Variants in TLCD4 observed in about 807,000 individuals in gnomAD.
The protein encoded by TLCD4 is TLC domain-containing protein 4.
Under a neutral mutation model 24.2 loss-of-function variants are expected in TLCD4, and 7 were observed. That is an observed-to-expected ratio of 0.29 (90% CI 0.16 to 0.54). The LOEUF is 0.54. TLCD4 is among the 20% of genes least tolerant of loss of function. TLCD4 has a pLI of 0.95. For synonymous variants in TLCD4, 103 were observed against 106.4 expected, an observed-to-expected ratio of 0.97 and a Z score of 0.20; for missense variants, 259 against 313.9, an observed-to-expected ratio of 0.82 and a Z score of 1.32.
chr1:95,106,347 T>G, the TLCD4 span, among the ~76,000 whole-genome samples: 1 of 152,234 alleles, frequency 6.6e-6, no homozygotes, highest in Admixed American at 6.5e-5. Context: ...TAATTTTCCT[T>G]ATTGAAAATA....
At chr1:95,148,859 A>G (rs1380854938) in intron 3 of TLCD4, 68 bp downstream of exon 3, 3 of 1,569,370 alleles carry the variant, frequency 1.9e-6, no homozygotes, top group Non-Finnish European at 1.7e-6. Context: ...TTATAAGAAC[A>G]TCACTTACTT....
intron 5 of TLCD4, among the ~76,000 whole-genome samples, chr1:95,171,898 G>T (rs996679887): frequency 6.6e-6 from 1 of 152,160 alleles, no homozygotes; most frequent in African/African-American, 2.4e-5. Flanking sequence ...TAGTTAAGAT[G>T]AGTTTGTATT....
At chr1:95,121,698 G>A (rs968581696) in intron 1 of TLCD4, among the ~76,000 whole-genome samples, 2 of 152,162 alleles carry the variant, frequency 1.3e-5, no homozygotes, top group Non-Finnish European at 1.5e-5. Context: ...CTCAACTCCT[G>A]GCCTCAAGTG....
At chr1:95,159,792 G>A (rs1330055803) in intron 5 of TLCD4, among the ~76,000 whole-genome samples, 2 of 152,090 alleles carry the variant, frequency 1.3e-5, no homozygotes, top group African/African-American at 4.8e-5. Context: ...TTTTTGTCAG[G>A]TTTCTCAAAG....
chr1:95,147,145 C>T (rs1677376465), intron 2 of TLCD4, among the ~76,000 whole-genome samples: 1 of 151,476 alleles, frequency 6.6e-6, no homozygotes, highest in South Asian at 2.1e-4. Context: ...GCAATCTCCA[C>T]TCACTGAAAC....
chr1:95,134,113 G>A (rs1676980380), intron 1 of TLCD4, among the ~76,000 whole-genome samples: 1 of 152,074 alleles, frequency 6.6e-6, no homozygotes, highest in East Asian at 1.9e-4. Flanking sequence ...GGCAGAAAAC[G>A]ATGTATAGGG....
chr1:95,173,727 T>TG, intron 5 of TLCD4, 89 bp from the exon 6 acceptor site: 2 of 1,550,626 alleles, frequency 1.3e-6, no homozygotes, highest in Admixed American at 3.5e-5. Flanking sequence ...TGTTATATTA[T>TG]GCTGAGAAGC....
chr1:95,178,563 CTTTTTTTTTTT>C (rs57190787), intron 6 of TLCD4, among the ~76,000 whole-genome samples: 1 of 82,360 alleles, frequency 1.2e-5, no homozygotes, highest in African/African-American at 4.9e-5. Flanking sequence ...ATGCCCAGCC[CTTTTTTTTTTT>C]TTTTTTTTTT....
chr1:95,148,892 G>A lies in TLCD4; in HGVS notation c.245+101G>A, dbSNP rs141807553. On this transcript the variant is annotated intron_variant, in intron 3 of 6. Transcript: ENST00000370203. Reference sequence around the variant, plus strand: ...CTTTAAAACAGAAAACATATTGATCGTATATGCCTTATTAAAATGCTTGTG... The same window carrying A: ...CTTTAAAACAGAAAACATATTGATCATATATGCCTTATTAAAATGCTTGTG... 4.5e-5 allele frequency: 62 copies of A among 1,378,688 alleles called. 1 individual carries two copies. In the South Asian group the frequency reaches 7.1e-4, roughly 16 times the overall value. 85.4% of individuals were successfully genotyped at this position (1,378,688 alleles called of 1,614,324 possible). A position where few individuals can be genotyped will look rare whatever the true frequency, so the allele number is the denominator to read the frequency against.
intron 5 of TLCD4, among the ~76,000 whole-genome samples, chr1:95,173,457 G>A (rs972224394): frequency 1.1e-4 from 17 of 152,016 alleles, no homozygotes; most frequent in East Asian, 9.7e-4. Context: ...CTACAGGCGC[G>A]TGCCACGTGA....
chr1:95,153,481 T>C (rs1465913284), intron 5 of TLCD4, among the ~76,000 whole-genome samples: 1 of 152,192 alleles, frequency 6.6e-6, no homozygotes, highest in East Asian at 1.9e-4. Context: ...TGTTAAGTTT[T>C]GCATTTAGGT....
At chr1:95,189,205 T>C in intron 6 of TLCD4, among the ~76,000 whole-genome samples, 1 of 152,192 alleles carries the variant, frequency 6.6e-6, no homozygotes, top group East Asian at 1.9e-4. Context: ...GAATTGTTAA[T>C]TGTTTTTGCG....
intron 1 of TLCD4, among the ~76,000 whole-genome samples, chr1:95,120,884 T>G (rs1458632575): frequency 6.6e-6 from 1 of 152,252 alleles, no homozygotes; most frequent in Admixed American, 6.5e-5. Context: ...GTCCACTATT[T>G]GGAAACCACT....
At chr1:95,112,396 T>G (rs926575151), upstream of TLCD4, among the ~76,000 whole-genome samples, 3 of 151,840 alleles carry the variant, frequency 2.0e-5, no homozygotes, top group African/African-American at 7.3e-5. Flanking sequence ...AAACAGCAAA[T>G]AAATAAAAGA....
chr1:95,118,513 C>T (rs1345258120), intron 1 of TLCD4, among the ~76,000 whole-genome samples: 1 of 151,968 alleles, frequency 6.6e-6, no homozygotes, highest in Non-Finnish European at 1.5e-5. Flanking sequence ...ATCCAAATAC[C>T]AGTTTGGAGA....
At chr1:95,172,200 G>A (rs998897838) in intron 5 of TLCD4, among the ~76,000 whole-genome samples, 2 of 152,110 alleles carry the variant, frequency 1.3e-5, no homozygotes, top group Admixed American at 6.6e-5. Context: ...TTATGACAGC[G>A]CTAACAAACT....
intron 1 of TLCD4, among the ~76,000 whole-genome samples, chr1:95,123,594 A>G (rs1050536729): frequency 1.3e-5 from 2 of 152,278 alleles, no homozygotes; most frequent in East Asian, 3.9e-4. Context: ...TCCAGCTCCC[A>G]CCCTGGCTAG....
chr1:95,171,632 T>C (rs1678227502), intron 5 of TLCD4, among the ~76,000 whole-genome samples: 1 of 152,184 alleles, frequency 6.6e-6, no homozygotes, highest in East Asian at 1.9e-4. Flanking sequence ...GAAGGAAAGT[T>C]ATTATTGTAT....
chr1:95,096,087 A>T, the TLCD4 span, among the ~76,000 whole-genome samples: 1 of 152,232 alleles, frequency 6.6e-6, no homozygotes, highest in Non-Finnish European at 1.5e-5. Context: ...GCTGCAAAGC[A>T]GAAGGTACAC....
Sources: allele counts gnomAD v4.1 joint callset (sites outside exome capture counted in the v4.1 genomes callset), GRCh38; gene constraint gnomAD v4.1.1; transcripts MANE v1.5; gene names NCBI Gene and HGNC (gene_info 2026-07-23, HGNC 2026-07-21).